Variants in KCNAB1 observed in about 807,000 individuals in gnomAD.
KCNAB1 encodes the protein voltage-gated potassium channel subunit beta-1.
A neutral mutation model predicts 64.6 loss-of-function variants in KCNAB1; 35 were observed. The observed-to-expected ratio is 0.54, with a 90% confidence interval of 0.41 to 0.72. The LOEUF (loss-of-function observed/expected upper bound fraction) is 0.72, where lower values mean the gene tolerates loss of function less well. Ranked by LOEUF, KCNAB1 falls within the 30% of genes least tolerant of loss-of-function variation. The pLI is 0.00. For synonymous variants in KCNAB1, 177 were observed against 183.8 expected, an observed-to-expected ratio of 0.96 and a Z score of 0.30; for missense variants, 401 against 512.9, an observed-to-expected ratio of 0.78 and a Z score of 2.11.
chr3:156,356,132 AAAAG>A (rs1435997277), intron 1 of KCNAB1, among the ~76,000 whole-genome samples: 21 of 150,844 alleles, frequency 1.4e-4, no homozygotes, highest in Admixed American at 4.6e-4. Flanking sequence ...AAAAAAAAAA[AAAAG>A]AAAGAAAAGA....
At chr3:156,280,896 C>G (rs1218406113) in intron 1 of KCNAB1, among the ~76,000 whole-genome samples, 2 of 148,818 alleles carry the variant, frequency 1.3e-5, no homozygotes, top group African/African-American at 4.9e-5. Flanking sequence ...GATAAACAAT[C>G]ATGTCATCTG....
chr3:156,505,496 T>C (rs1378032560), intron 8 of KCNAB1, among the ~76,000 whole-genome samples: 1 of 152,212 alleles, frequency 6.6e-6, no homozygotes, highest in African/African-American at 2.4e-5. Flanking sequence ...TTGGGTAGTA[T>C]AGTCGTTTTA....
chr3:156,370,111 T>G (rs967462302), intron 1 of KCNAB1, among the ~76,000 whole-genome samples: 2 of 152,218 alleles, frequency 1.3e-5, no homozygotes, highest in African/African-American at 4.8e-5. Context: ...AGGTCTAAAA[T>G]TCTCCCTCTT....
chr3:156,170,207 C>T (rs1711873812), intron 1 of KCNAB1, among the ~76,000 whole-genome samples: 1 of 151,098 alleles, frequency 6.6e-6, no homozygotes, highest in South Asian at 2.1e-4. Context: ...ATGGGTTTCC[C>T]TTCCCAAGGA....
chr3:156,445,068 T>C (rs1236204518), intron 2 of KCNAB1, among the ~76,000 whole-genome samples: 2 of 152,142 alleles, frequency 1.3e-5, no homozygotes, highest in East Asian at 3.9e-4. Context: ...GAGGCTGCGG[T>C]GGGCGGATCA....
At chr3:156,258,970 C>G (rs13077745) in intron 1 of KCNAB1, among the ~76,000 whole-genome samples, 2 of 152,102 alleles carry the variant, frequency 1.3e-5, no homozygotes. Context: ...GGAAATGGAA[C>G]GATTCGGCTT....
At chr3:156,133,910 G>GTT (rs201871181) in intron 1 of KCNAB1, among the ~76,000 whole-genome samples, 1 of 145,374 alleles carries the variant, frequency 6.9e-6, no homozygotes. Context: ...GTTGACTTTT[G>GTT]TTTTTTTTTT....
rs1481356439 is a variant in KCNAB1, at chr3:156,234,201, G to A, written c.275+113315G>A. Among the ~76,000 whole-genome samples the A allele has an allele frequency of 2.0e-5, 3 of 152,098 alleles. No individual in the cohort carries two copies. The East Asian group carries it at 5.8e-4, about 29-fold the overall frequency. ...AACAGTGAGAGGAACAGACAGTGAGGAAGGAGGAAAACCAGGAGAGGGAGT... is the reference window on the plus strand; with the variant it reads ...AACAGTGAGAGGAACAGACAGTGAGAAAGGAGGAAAACCAGGAGAGGGAGT... On this transcript the variant is annotated intron_variant, in intron 1 of 13. Transcript: ENST00000490337.
At chr3:156,420,621 T>C (rs1395882082) in intron 1 of KCNAB1, among the ~76,000 whole-genome samples, 1 of 152,250 alleles carries the variant, frequency 6.6e-6, no homozygotes, top group Admixed American at 6.5e-5. Flanking sequence ...TGTATTTTTA[T>C]GAAAGCCTTT....
intron 1 of KCNAB1, among the ~76,000 whole-genome samples, chr3:156,181,578 C>G (rs781601697): frequency 1.3e-5 from 2 of 152,042 alleles, no homozygotes; most frequent in Non-Finnish European, 2.9e-5. Flanking sequence ...ATCTGGGAGT[C>G]CAGTCACGAG....
At chr3:156,468,126 A>G (rs1713562609) in intron 7 of KCNAB1, among the ~76,000 whole-genome samples, 1 of 152,132 alleles carries the variant, frequency 6.6e-6, no homozygotes, top group Non-Finnish European at 1.5e-5. Flanking sequence ...CCTTGAACCT[A>G]AGAGCTAATG....
chr3:156,348,653 G>A (rs888776508), intron 1 of KCNAB1, among the ~76,000 whole-genome samples: 3 of 152,216 alleles, frequency 2.0e-5, no homozygotes, highest in Non-Finnish European at 4.4e-5. Flanking sequence ...TGTGTCTGAA[G>A]CTCAGAGAGG....
intron 1 of KCNAB1, among the ~76,000 whole-genome samples, chr3:156,376,016 C>T (rs141787606): frequency 0.013 from 2,024 of 152,338 alleles, 50 homozygotes; most frequent in South Asian, 0.098. Context: ...GATGGGGTTT[C>T]ACCATGTTGG....
chr3:156,324,494 T>C (rs1722850862), intron 1 of KCNAB1, among the ~76,000 whole-genome samples: 1 of 152,122 alleles, frequency 6.6e-6, no homozygotes, highest in Admixed American at 6.6e-5. Context: ...AGAGGACACC[T>C]CATTTATTCA....
At chr3:156,267,712 C>T (rs956371370) in intron 1 of KCNAB1, among the ~76,000 whole-genome samples, 2 of 152,090 alleles carry the variant, frequency 1.3e-5, no homozygotes, top group African/African-American at 4.8e-5. Flanking sequence ...AGGTTCTTTT[C>T]TGCCCTTACT....
chr3:156,355,874 T>G (rs1219646123), intron 1 of KCNAB1, among the ~76,000 whole-genome samples: 4 of 152,044 alleles, frequency 2.6e-5, no homozygotes, highest in Admixed American at 2.6e-4. Flanking sequence ...CCTAGCACTT[T>G]GGGAGGCCAA....
intron 1 of KCNAB1, among the ~76,000 whole-genome samples, chr3:156,337,537 C>T (rs923737878): frequency 6.6e-5 from 10 of 152,224 alleles, no homozygotes; most frequent in African/African-American, 2.4e-4. Context: ...GCCTTCTCCA[C>T]CGATGAGTCC....
At chr3:156,371,746 A>G (rs1053835649) in intron 1 of KCNAB1, among the ~76,000 whole-genome samples, 2 of 152,188 alleles carry the variant, frequency 1.3e-5, no homozygotes, top group African/African-American at 2.4e-5. Flanking sequence ...TTTGCATATA[A>G]AAATACTCGG....
intron 1 of KCNAB1, among the ~76,000 whole-genome samples, chr3:156,216,775 G>A (rs1003517248): frequency 1.3e-5 from 2 of 152,228 alleles, no homozygotes; most frequent in East Asian, 3.9e-4. Context: ...CTGCTTGACA[G>A]ATGAGGAAAT....
Sources: allele counts gnomAD v4.1 joint callset (sites outside exome capture counted in the v4.1 genomes callset), GRCh38; gene constraint gnomAD v4.1.1; transcripts MANE v1.5; gene names NCBI Gene and HGNC (gene_info 2026-07-23, HGNC 2026-07-21).